ANK3: variants seen among roughly 807,000 people sequenced by gnomAD.
ANK3 encodes ankyrin-3.
In ANK3, 57 loss-of-function variants were observed where a neutral mutation model predicts 370.9. That is an observed-to-expected ratio of 0.15 (90% CI 0.12 to 0.19). ANK3 has a LOEUF of 0.19. Ranked by LOEUF, ANK3 falls within the 10% of genes least tolerant of loss-of-function variation. The pLI is 1.00. For missense variants in ANK3, 4,439 were observed against 5,302.1 expected, an observed-to-expected ratio of 0.84 and a Z score of 5.06; for synonymous variants, 1,929 against 1,946.3, an observed-to-expected ratio of 0.99 and a Z score of 0.23.
At chr10:60,584,456 C>CAA (rs35322229) in intron 2 of ANK3, among the ~76,000 whole-genome samples, 152,066 of 152,072 alleles carry the variant, frequency 1, 76,030 homozygotes, top group Middle Eastern at 1. Flanking sequence ...CTGTCTCCAC[C>CAA]AAAAATTTAA....
chr10:60,656,944 G>C (rs2078872779), intron 1 of ANK3, among the ~76,000 whole-genome samples: 1 of 137,684 alleles, frequency 7.3e-6, no homozygotes, highest in Non-Finnish European at 1.6e-5. Context: ...GTGGTTTTTT[G>C]TTTTTTGTTT....
chr10:60,110,433 T>C (rs1334523358), intron 26 of ANK3, among the ~76,000 whole-genome samples: 1 of 152,214 alleles, frequency 6.6e-6, no homozygotes, highest in Non-Finnish European at 1.5e-5. Flanking sequence ...AATGAATTTA[T>C]GTCTCTTACA....
chr10:60,074,031 G>A lies in ANK3; in HGVS notation c.6850C>T (p.Arg2284Trp), dbSNP rs752249185. 5 of 1,613,952 alleles carry A rather than the reference G, an allele frequency of 3.1e-6. No homozygotes were observed. Among genetic ancestry groups the A allele is most frequent in the Admixed American group, 1.7e-5 (1 of 59,996 alleles). ...CCTGCCAGTTCTTTGGAAGGATCCC[G>A]CCCGGACTGAAAGGCCTTCATGATG... The part of the protein sequence containing the change: ...HDIMKAFQSG[R>W]DPSKELAGLF... The change falls in exon 37 of 44, where the codon CGG (arginine) becomes TGG (tryptophan). Residue 2284 changes from arginine (R) to tryptophan (W), a missense_variant. This residue lies in a region of ANK3 where 1,601 missense variants were observed against 1,731.7 expected (regional missense o/e 0.92). Transcript: ENST00000280772.
At chr10:60,083,203 C>T (rs2085733292) in intron 33 of ANK3, among the ~76,000 whole-genome samples, 1 of 152,154 alleles carries the variant, frequency 6.6e-6, no homozygotes, top group Non-Finnish European at 1.5e-5. Flanking sequence ...GATTACTGAA[C>T]ATTAACCAGA....
chr10:60,612,434 ACT>A (rs1259302968), intron 2 of ANK3, among the ~76,000 whole-genome samples: 4 of 151,150 alleles, frequency 2.6e-5, no homozygotes, highest in Non-Finnish European at 4.4e-5. Flanking sequence ...AAAGGTATCA[ACT>A]CTCACCTCTT....
intron 2 of ANK3, among the ~76,000 whole-genome samples, chr10:60,517,591 C>A (rs1178678558): frequency 4.6e-5 from 7 of 152,090 alleles, no homozygotes; most frequent in African/African-American, 1.4e-4. Context: ...TAACTACAAG[C>A]CTGGCCAAGT....
At chr10:60,110,756 G>A (rs989941129) in intron 26 of ANK3, among the ~76,000 whole-genome samples, 1 of 152,140 alleles carries the variant, frequency 6.6e-6, no homozygotes, top group Non-Finnish European at 1.5e-5. Flanking sequence ...GCACTTCGTA[G>A]TTGTAACTAC....
At chr10:60,205,190 G>A (rs7895510) in intron 11 of ANK3, among the ~76,000 whole-genome samples, 116,543 of 152,046 alleles carry the variant, frequency 0.77, 44,721 homozygotes, top group East Asian at 0.86. Flanking sequence ...AGAAACTTAG[G>A]TCTAATACTT....
chr10:60,134,695 T>C (rs2094252270), intron 24 of ANK3, among the ~76,000 whole-genome samples: 1 of 152,216 alleles, frequency 6.6e-6, no homozygotes, highest in South Asian at 2.1e-4. Context: ...TTGACAGATT[T>C]TTCTAGGATG....
intron 2 of ANK3, among the ~76,000 whole-genome samples, chr10:60,520,276 C>T (rs1038962438): frequency 2.0e-5 from 3 of 151,976 alleles, no homozygotes; most frequent in African/African-American, 2.4e-5. Context: ...ACACTGGGGA[C>T]GAAGGAGGGA....
chr10:60,042,857 AAC>A, intron 42 of ANK3, 98 bp from the exon 43 acceptor site: 1 of 1,567,346 alleles, frequency 6.4e-7, no homozygotes, highest in Admixed American at 1.9e-5. Context: ...GGACAAGCGA[AAC>A]AGTTTAAAGC....
At position 60,070,122 on chromosome 10, in the gene ANK3, T is replaced by G; in HGVS notation, c.10759A>C (p.Thr3587Pro). ...GTTGGGGTACTTTCATCAGTTGGCG[T>G]TCTGGCTGGCGTTGTATCAGGGGTT... ...ATTPDTTPAR[T>P]PTDESTPTSE... The change falls in exon 37 of 44, where the codon ACG becomes CCG. Residue 3587 changes from threonine (T) to proline (P), a missense_variant. By Grantham distance (38) the Thr-to-Pro change is conservative (BLOSUM62 -1). Coordinates refer to ENST00000280772, the MANE Select transcript of ANK3 (RefSeq NM_020987.5). The surrounding 1 kb of genome is among the most constrained non-coding windows in gnomAD (Gnocchi z 5.7). The G allele has an allele frequency of 6.2e-7, 1 of 1,614,126 alleles. No homozygotes were observed. Among genetic ancestry groups the G allele is most frequent in the Non-Finnish European group, 8.5e-7 (1 of 1,179,982 alleles).
Position 60,671,734 on chromosome 10 carries a change from C to G in ANK3, c.58-56510G>C, listed in dbSNP as rs118006490. On this transcript the variant is annotated intron_variant, in intron 1 of 43. Transcript: ENST00000373827. Reference sequence around the variant, plus strand: ...GATATTGCAATCTCCATCTTACTCTCTAGGACCACTCACAGTGGGGAGAAT... The same window carrying G: ...GATATTGCAATCTCCATCTTACTCTGTAGGACCACTCACAGTGGGGAGAAT... 2.9e-3 allele frequency among the ~76,000 whole-genome samples: 446 copies of G among 152,300 alleles called. 1 individual carries two copies. Among genetic ancestry groups the G allele is most frequent in the Non-Finnish European group, 3.7e-3 (252 of 68,014 alleles).
chr10:60,488,526 C>A (rs1261624248), intron 2 of ANK3, among the ~76,000 whole-genome samples: 1 of 151,852 alleles, frequency 6.6e-6, no homozygotes, highest in African/African-American at 2.4e-5. Flanking sequence ...ATTTTATCAC[C>A]CCCAAAAGAA....
intron 8 of ANK3, among the ~76,000 whole-genome samples, chr10:60,231,420 T>C (rs2097242865): frequency 1.3e-5 from 2 of 152,178 alleles, no homozygotes. Flanking sequence ...ACACGGGGGA[T>C]AAGTGTGTAC....
intron 38 of ANK3, among the ~76,000 whole-genome samples, chr10:60,065,287 G>A (rs1401981504): frequency 6.6e-6 from 1 of 152,146 alleles, no homozygotes; most frequent in Non-Finnish European, 1.5e-5. Flanking sequence ...TTGGAAGAGG[G>A]AAACTTAGGA....
At position 60,075,090 on chromosome 10, in the gene ANK3, G is replaced by A; in HGVS notation, c.5791C>T (p.Pro1931Ser). The change falls in exon 37 of 44, where the codon CCT becomes TCT. Residue 1931 changes from proline (P) to serine (S), a missense_variant. Transcript: ENST00000280772. ...TDVPEEKPFQPELPKEGRIDD... is the reference protein window; with the variant it reads ...TDVPEEKPFQSELPKEGRIDD... ...ATTCTCCCTTCCTTTGGGAGTTCAG[G>A]TTGGAATGGCTTCTCCTCAGGCACA... 2 of 1,614,056 alleles carry A rather than the reference G, an allele frequency of 1.2e-6. No individual in the cohort carries two copies. The highest frequency in any genetic ancestry group is 2.2e-5 in the East Asian group (1 of 44,868).
intron 2 of ANK3, among the ~76,000 whole-genome samples, chr10:60,424,180 T>C (rs1477298175): frequency 1.3e-5 from 2 of 151,930 alleles, no homozygotes; most frequent in Admixed American, 6.6e-5. Context: ...CACATCCTGG[T>C]TTTGGCCAGC....
intron 2 of ANK3, among the ~76,000 whole-genome samples, chr10:60,603,826 G>T (rs2133308757): frequency 6.6e-6 from 1 of 152,158 alleles, no homozygotes; most frequent in Middle Eastern, 3.4e-3. Context: ...TCTCATTTTA[G>T]TGTCCCCATC....
Sources: gnomAD v4.1 joint callset for allele counts (sites outside exome capture counted in the v4.1 genomes callset) on GRCh38, gnomAD v4.1.1 for gene constraint, gnomAD v4.1.1 regional missense constraint, Gnocchi (gnomAD v3.1) non-coding constraint, MANE v1.5 for transcripts, NCBI Gene and HGNC (gene_info 2026-07-23, HGNC 2026-07-21) for gene names.